Variants in CSNK1G1 observed in about 807,000 individuals in gnomAD.
The protein encoded by CSNK1G1 is casein kinase 1 gamma 1.
A neutral mutation model predicts 59.6 loss-of-function variants in CSNK1G1; 22 were observed. The ratio of observed to expected loss-of-function variants is 0.37; its 90% CI spans 0.26 to 0.53. CSNK1G1 has a LOEUF of 0.53. CSNK1G1 is among the 20% of genes least tolerant of loss of function. The pLI is 0.89. For synonymous variants in CSNK1G1, 179 were observed against 177.1 expected (o/e 1.01, Z -0.08); for missense variants, 384 against 519.5 (o/e 0.74, Z 2.54).
chr15:64,193,444 A>T (rs2081998889), intron 10 of CSNK1G1, among the ~76,000 whole-genome samples: 1 of 149,900 alleles, frequency 6.7e-6, no homozygotes, highest in Non-Finnish European at 1.5e-5. Context: ...ATGAGCCGAG[A>T]TCGCGCCACT....
chr15:64,355,430 A>G (rs1898596332), intron 1 of CSNK1G1, among the ~76,000 whole-genome samples: 1 of 152,120 alleles, frequency 6.6e-6, no homozygotes, highest in South Asian at 2.1e-4. Flanking sequence ...GGGGCGAGGA[A>G]ACAGTAAAGG....
chr15:64,345,380 T>G (rs1897898407), intron 1 of CSNK1G1, among the ~76,000 whole-genome samples: 1 of 152,182 alleles, frequency 6.6e-6, no homozygotes, highest in African/African-American at 2.4e-5. Flanking sequence ...CTTCAACAAG[T>G]GTAATAAGCA....
intron 2 of CSNK1G1, among the ~76,000 whole-genome samples, chr15:64,268,685 G>A (rs1280767903): frequency 1.3e-5 from 2 of 152,008 alleles, no homozygotes; most frequent in Non-Finnish European, 2.9e-5. Flanking sequence ...TGAGCTAACT[G>A]GGGTGTTTAA....
chr15:64,347,261 T>C (rs1898026058), intron 1 of CSNK1G1, among the ~76,000 whole-genome samples: 1 of 152,128 alleles, frequency 6.6e-6, no homozygotes, highest in South Asian at 2.1e-4. Flanking sequence ...AATTAAATAG[T>C]CTTATCATAA....
At chr15:64,315,357 G>C (rs1896213745) in intron 1 of CSNK1G1, among the ~76,000 whole-genome samples, 1 of 152,178 alleles carries the variant, frequency 6.6e-6, no homozygotes, top group Admixed American at 6.5e-5. Context: ...TAAAGAGGTA[G>C]CAGGAGTCCA....
chr15:64,289,195 A>C (rs536832189), intron 2 of CSNK1G1, among the ~76,000 whole-genome samples: 2 of 151,080 alleles, frequency 1.3e-5, no homozygotes, highest in Non-Finnish European at 2.9e-5. Flanking sequence ...AAAAAAAAAA[A>C]AATTCCGGAA....
chr15:64,224,923 C>T (rs947619313), intron 4 of CSNK1G1, among the ~76,000 whole-genome samples: 1 of 151,924 alleles, frequency 6.6e-6, no homozygotes, highest in Non-Finnish European at 1.5e-5. Flanking sequence ...TTTTATTTAC[C>T]CAAAAGGAGT....
At chr15:64,228,218 C>G (rs1298195012) in intron 4 of CSNK1G1, among the ~76,000 whole-genome samples, 1 of 152,184 alleles carries the variant, frequency 6.6e-6, no homozygotes, top group South Asian at 2.1e-4. Context: ...TGGTCTTGAA[C>G]AGGAACCACC....
At chr15:64,319,591 G>C (rs1409175144) in intron 1 of CSNK1G1, among the ~76,000 whole-genome samples, 1 of 152,136 alleles carries the variant, frequency 6.6e-6, no homozygotes, top group Non-Finnish European at 1.5e-5. Flanking sequence ...TGTTGCCCAG[G>C]CTGGAGTGCA....
intron 2 of CSNK1G1, among the ~76,000 whole-genome samples, chr15:64,264,204 G>C (rs1020249329): frequency 2.0e-5 from 3 of 151,702 alleles, no homozygotes; most frequent in Non-Finnish European, 2.9e-5. Context: ...AAGGGGAAAA[G>C]CAAATGGTGA....
chr15:64,300,716 C>G lies in CSNK1G1; in HGVS notation c.-217G>C. ...CTAGGTCTCAATCTTAGGTGAACAT[C>G]TTGTAACCTAGGTAAAAATCAAGAA... On this transcript the variant is annotated 5_prime_UTR_variant, in exon 2 of 12. Coordinates refer to ENST00000303052, the MANE Select transcript of CSNK1G1 (RefSeq NM_022048.5). 1 of 1,239,056 alleles carries G rather than the reference C, an allele frequency of 8.1e-7. No individual in the cohort carries two copies. The highest frequency in any genetic ancestry group is 3.1e-5 in the East Asian group (1 of 32,068). 76.8% of individuals were successfully genotyped at this position (1,239,056 alleles called of 1,614,324 possible).
chr15:64,312,168 G>C (rs1171183327), intron 1 of CSNK1G1, among the ~76,000 whole-genome samples: 4 of 152,140 alleles, frequency 2.6e-5, no homozygotes, highest in Non-Finnish European at 5.9e-5. Context: ...CACGAAAATA[G>C]CCATACTGCC....
Position 64,216,480 on chromosome 15 carries a change from G to A in CSNK1G1, c.444+82C>T, listed in dbSNP as rs539299854. The A allele has an allele frequency of 3.5e-4, 479 of 1,359,398 alleles. 1 individual carries two copies. Among genetic ancestry groups the A allele is most frequent in the Non-Finnish European group, 4.2e-4 (410 of 969,094 alleles). The allele number at this position is 1,359,398 out of a possible 1,614,324, so 84.2% of individuals were successfully genotyped here. A position where few individuals can be genotyped will look rare whatever the true frequency, so the allele number is the denominator to read the frequency against. ...GTACTAATTCTTGATGTGTTGCTACGGCTAGTAAATCACCAAAAGGCCCAC... is the reference window on the plus strand; with the variant it reads ...GTACTAATTCTTGATGTGTTGCTACAGCTAGTAAATCACCAAAAGGCCCAC... On this transcript the variant is annotated intron_variant, in intron 5 of 11. Coordinates refer to ENST00000303052, the MANE Select transcript of CSNK1G1 (RefSeq NM_022048.5). This position sits in a 1 kb window ranked among gnomAD's most constrained non-coding sequence, Gnocchi z 4.6.
intron 1 of CSNK1G1, among the ~76,000 whole-genome samples, chr15:64,332,941 T>C (rs1341463099): frequency 6.6e-6 from 1 of 152,082 alleles, no homozygotes; most frequent in Non-Finnish European, 1.5e-5. Flanking sequence ...GGAAAACTGA[T>C]TTGAGGGAAT....
intron 1 of CSNK1G1, among the ~76,000 whole-genome samples, chr15:64,350,269 G>A (rs1214965697): frequency 2.6e-5 from 4 of 151,998 alleles, no homozygotes; most frequent in Non-Finnish European, 2.9e-5. Context: ...CAAGGCGGGC[G>A]GATCACAAGG....
intron 6 of CSNK1G1, 85 bp downstream of exon 6, chr15:64,213,805 G>T: frequency 1.1e-6 from 1 of 914,638 alleles, no homozygotes; most frequent in Non-Finnish European, 1.7e-6. Context: ...ACCACAAGTT[G>T]TAATGCACAA....
chr15:64,277,613 TTGG>T, intron 2 of CSNK1G1, among the ~76,000 whole-genome samples: 1 of 137,684 alleles, frequency 7.3e-6, no homozygotes, highest in African/African-American at 2.7e-5. Context: ...TATATTAATA[TTGG>T]TATATTTAAT....
chr15:64,273,076 G>A (rs1283589006), intron 2 of CSNK1G1, among the ~76,000 whole-genome samples: 1 of 152,116 alleles, frequency 6.6e-6, no homozygotes, highest in African/African-American at 2.4e-5. Context: ...TAAAATCACA[G>A]TGTCCAAGAA....
chr15:64,225,655 T>G (rs1356983164), intron 4 of CSNK1G1, among the ~76,000 whole-genome samples: 1 of 151,996 alleles, frequency 6.6e-6, no homozygotes, highest in Non-Finnish European at 1.5e-5. Flanking sequence ...GAACAGAGTT[T>G]CACTCGTGTC....
Sources: allele counts gnomAD v4.1 joint callset (sites outside exome capture counted in the v4.1 genomes callset), GRCh38; gene constraint gnomAD v4.1.1; non-coding constraint Gnocchi (gnomAD v3.1); transcripts MANE v1.5; gene names NCBI Gene and HGNC (gene_info 2026-07-23, HGNC 2026-07-21).